DLGAP2: variants seen among roughly 807,000 people sequenced by gnomAD.
DLGAP2 encodes disks large-associated protein 2.
In DLGAP2, 26 loss-of-function variants were observed where a neutral mutation model predicts 100.3. The observed-to-expected ratio is 0.26, with a 90% CI of 0.19 to 0.36. DLGAP2 has a LOEUF of 0.36. Among genes scored for constraint, DLGAP2 ranks in the 10% least tolerant of loss-of-function variants. The pLI, the probability that DLGAP2 is intolerant of heterozygous loss-of-function variation, is 1.00. For synonymous variants in DLGAP2, 886 were observed against 630.1 expected (o/e 1.41, Z -6.08); for missense variants, 1,858 against 1,453.2 (o/e 1.28, Z -4.53).
intron 3 of DLGAP2, among the ~76,000 whole-genome samples, chr8:1,458,004 ATAT>A (rs1798366980): frequency 1.1e-5 from 1 of 94,594 alleles, no homozygotes; most frequent in African/African-American, 4.2e-5. Flanking sequence ...ATATATATAT[ATAT>A]ATATATAATT....
At chr8:1,460,779 C>G (rs951243209) in intron 3 of DLGAP2, among the ~76,000 whole-genome samples, 5 of 152,188 alleles carry the variant, frequency 3.3e-5, no homozygotes, top group African/African-American at 1.2e-4. Context: ...ATGGTTTTTA[C>G]TAATCAGAGA....
intron 1 of DLGAP2, among the ~76,000 whole-genome samples, chr8:767,488 C>T (rs1284131675): frequency 6.6e-6 from 1 of 151,546 alleles, no homozygotes; most frequent in Non-Finnish European, 1.5e-5. Context: ...CAGTGGGTAG[C>T]TGGGATTAGA....
At chr8:1,073,568 TG>T (rs1803500148) in intron 2 of DLGAP2, among the ~76,000 whole-genome samples, 1 of 152,242 alleles carries the variant, frequency 6.6e-6, no homozygotes, top group African/African-American at 2.4e-5. Flanking sequence ...AGATGGTTTT[TG>T]TTTTCTTAGA....
At chr8:1,560,314 G>C (rs190402953) in intron 5 of DLGAP2, among the ~76,000 whole-genome samples, 7 of 152,074 alleles carry the variant, frequency 4.6e-5, no homozygotes, top group Non-Finnish European at 1.0e-4. Flanking sequence ...GCACATTCTG[G>C]AATAGTATTT....
chr8:1,072,378 T>C (rs1457126991), intron 2 of DLGAP2, among the ~76,000 whole-genome samples: 1 of 152,240 alleles, frequency 6.6e-6, no homozygotes, highest in Admixed American at 6.5e-5. Flanking sequence ...TCACATGTGG[T>C]CATCCAATGA....
intron 3 of DLGAP2, among the ~76,000 whole-genome samples, chr8:1,426,385 A>C (rs1283405082): frequency 3.3e-5 from 5 of 152,198 alleles, no homozygotes; most frequent in Non-Finnish European, 1.5e-5. Flanking sequence ...ATGGCCAAGG[A>C]ATACAAACAA....
chr8:1,607,683 G>C (rs1796846562), intron 6 of DLGAP2, among the ~76,000 whole-genome samples: 4 of 152,072 alleles, frequency 2.6e-5, no homozygotes. Context: ...GTGGGTGCGC[G>C]CACCGGGCGC....
At chr8:862,119 G>A (rs527543326) in intron 1 of DLGAP2, among the ~76,000 whole-genome samples, 1 of 152,134 alleles carries the variant, frequency 6.6e-6, no homozygotes, top group South Asian at 2.1e-4. Flanking sequence ...GTTTATGGTG[G>A]GGTCTCTTTT....
intron 5 of DLGAP2, among the ~76,000 whole-genome samples, chr8:1,550,252 C>T (rs931400872): frequency 2.6e-5 from 4 of 152,158 alleles, no homozygotes; most frequent in Admixed American, 2.0e-4. Flanking sequence ...CTTCTTTATC[C>T]ATCATTTGCC....
intron 1 of DLGAP2, among the ~76,000 whole-genome samples, chr8:759,598 TG>T (rs1217499007): frequency 6.6e-6 from 1 of 151,852 alleles, no homozygotes; most frequent in African/African-American, 2.4e-5. Flanking sequence ...GGCTCCCCCC[TG>T]GGCTGCACGT....
chr8:1,673,018 T>G (rs1020945712), intron 10 of DLGAP2, among the ~76,000 whole-genome samples: 12 of 152,250 alleles, frequency 7.9e-5, no homozygotes, highest in Non-Finnish European at 1.5e-4. Context: ...GGAGGCTGGT[T>G]GGCTTTGACG....
intron 2 of DLGAP2, among the ~76,000 whole-genome samples, chr8:951,405 T>C (rs1212029689): frequency 6.6e-6 from 1 of 152,150 alleles, no homozygotes; most frequent in Non-Finnish European, 1.5e-5. Context: ...CCACCACACC[T>C]GGCTATTTTT....
chr8:777,718 C>T (rs1231396005), intron 1 of DLGAP2, among the ~76,000 whole-genome samples: 1 of 152,136 alleles, frequency 6.6e-6, no homozygotes, highest in Non-Finnish European at 1.5e-5. Context: ...GCCGAGAGAT[C>T]CGCTGTTAGT....
Position 1,565,684 on chromosome 8 carries a change from T to C in DLGAP2, c.1232T>C (p.Val411Ala). The change falls in exon 6 of 15, where the codon GTA becomes GCA. Residue 411 changes from valine (V) to alanine (A), a missense_variant and splice_region_variant. By Grantham distance (64) the Val-to-Ala change is moderately conservative. Coordinates refer to ENST00000637795, the MANE Select transcript of DLGAP2 (RefSeq NM_001346810.2). ...PALRPCHYLQ[V>A]PQDEWGGYPT... ...TGTTTCATGTCTGTCTGCTCCCAGG[T>C]ACCTCAGGATGAGTGGGGAGGGTAC... 2 of 1,610,768 alleles carry C rather than the reference T, an allele frequency of 1.2e-6. No homozygotes were observed. The highest frequency in any genetic ancestry group is 1.7e-6 in the Non-Finnish European group (2 of 1,177,960).
intron 5 of DLGAP2, among the ~76,000 whole-genome samples, chr8:1,554,847 G>C (rs1316605982): frequency 3.3e-5 from 5 of 151,876 alleles, no homozygotes; most frequent in African/African-American, 9.7e-5. Context: ...CTTATGGGGT[G>C]CTTTCAACTC....
intron 6 of DLGAP2, among the ~76,000 whole-genome samples, chr8:1,571,747 G>C (rs79439767): frequency 1.6e-5 from 2 of 126,526 alleles, no homozygotes; most frequent in African/African-American, 3.3e-5. Flanking sequence ...GGAGAGGAGA[G>C]AGGGTGAACT....
chr8:1,599,826 A>T (rs374655163), intron 6 of DLGAP2, among the ~76,000 whole-genome samples: 2 of 152,068 alleles, frequency 1.3e-5, no homozygotes, highest in South Asian at 4.1e-4. Context: ...ACTGTATCCA[A>T]TTTGCCAGTT....
At chr8:869,701 A>G (rs1191328963) in intron 1 of DLGAP2, among the ~76,000 whole-genome samples, 7 of 152,242 alleles carry the variant, frequency 4.6e-5, no homozygotes, top group Non-Finnish European at 1.5e-5. Context: ...TAGTTGGAAC[A>G]TTCGGGGATC....
chr8:1,335,073 C>G (rs186608447), intron 3 of DLGAP2, among the ~76,000 whole-genome samples: 1 of 152,294 alleles, frequency 6.6e-6, no homozygotes, highest in African/African-American at 2.4e-5. Flanking sequence ...AACCATAGTT[C>G]TAGGAACCAT....
Sources: allele counts gnomAD v4.1 joint callset (sites outside exome capture counted in the v4.1 genomes callset), GRCh38; gene constraint gnomAD v4.1.1; transcripts MANE v1.5; gene names NCBI Gene and HGNC (gene_info 2026-07-23, HGNC 2026-07-21).